CDH4: variants seen among roughly 807,000 people sequenced by gnomAD.
The protein encoded by CDH4 is cadherin 4, also known as cadherin-4.
A neutral mutation model predicts 86.0 loss-of-function variants in CDH4; 33 were observed. That is an observed-to-expected ratio of 0.38 (90% CI 0.29 to 0.51). CDH4 has a LOEUF of 0.51. Among genes scored for constraint, CDH4 ranks in the 20% least tolerant of loss-of-function variants. CDH4 has a pLI of 0.86. For missense variants in CDH4, 1,114 were observed against 1,307.4 expected, an observed-to-expected ratio of 0.85 and a Z score of 2.28; for synonymous variants, 555 against 549.4, an observed-to-expected ratio of 1.01 and a Z score of -0.14.
chr20:61,915,485 C>T (rs1369853132), intron 9 of CDH4, among the ~76,000 whole-genome samples: 1 of 152,184 alleles, frequency 6.6e-6, no homozygotes, highest in Admixed American at 6.5e-5. Flanking sequence ...CTGACGGTCC[C>T]CAGCCCAGGG....
intron 4 of CDH4, among the ~76,000 whole-genome samples, chr20:61,843,253 A>G (rs368232885): frequency 6.6e-5 from 10 of 151,426 alleles, no homozygotes; most frequent in East Asian, 2.0e-4. Flanking sequence ...GATCGAGACC[A>G]TCCTGGCTAA....
intron 2 of CDH4, among the ~76,000 whole-genome samples, chr20:61,493,219 C>T (rs774997681): frequency 6.6e-6 from 1 of 152,186 alleles, no homozygotes; most frequent in African/African-American, 2.4e-5. Flanking sequence ...CCCACACTCG[C>T]TGTGGGCCTT....
chr20:61,764,538 G>A (rs886513684), intron 3 of CDH4, among the ~76,000 whole-genome samples: 1 of 152,182 alleles, frequency 6.6e-6, no homozygotes, highest in Non-Finnish European at 1.5e-5. Context: ...CAGACCCCTC[G>A]AGCCATGGGT....
chr20:61,758,683 G>T (rs1429741926), intron 3 of CDH4, among the ~76,000 whole-genome samples: 1 of 152,214 alleles, frequency 6.6e-6, no homozygotes, highest in Non-Finnish European at 1.5e-5. Context: ...GTCCCCCTGA[G>T]CCGTGGCCAC....
chr20:61,692,050 T>G, intron 2 of CDH4, among the ~76,000 whole-genome samples: 1 of 152,140 alleles, frequency 6.6e-6, no homozygotes, highest in East Asian at 1.9e-4. Flanking sequence ...TTCCAGACAT[T>G]AGGTAAAACC....
chr20:61,757,074 C>A (rs755928402), intron 3 of CDH4, among the ~76,000 whole-genome samples: 1 of 152,178 alleles, frequency 6.6e-6, no homozygotes, highest in Admixed American at 6.5e-5. Flanking sequence ...TTGAAGATGA[C>A]GAGCTATTTT....
chr20:61,848,364 C>CTTCTTTTGTTT (rs1982554584), intron 5 of CDH4, among the ~76,000 whole-genome samples: 2 of 152,314 alleles, frequency 1.3e-5, no homozygotes, highest in East Asian at 1.9e-4. Flanking sequence ...GTTGCCTTCC[C>CTTCTTTTGTTT]TTCTTTTGTT....
chr20:61,932,939 CGCACACCCGCA>C lies in CDH4; in HGVS notation c.2240-37_2240-27del, dbSNP rs565036748. 2,443 of 1,596,992 alleles carry C rather than the reference CGCACACCCGCA, an allele frequency of 1.5e-3. 6 individuals are homozygous for C. The highest frequency in any genetic ancestry group is 1.9e-3 in the Non-Finnish European group (2,212 of 1,168,838). ...CATGGCAAACACAGAGGCACACATG[CGCACACCCGCA>C]GCACACCCTGCTCACGGGCAGCCCT... On this transcript the variant is annotated intron_variant, in intron 13 of 15. Coordinates refer to ENST00000614565, the MANE Select transcript of CDH4 (RefSeq NM_001794.5).
intron 6 of CDH4, among the ~76,000 whole-genome samples, 163 bp from the exon 7 acceptor site, chr20:61,873,565 G>A (rs895069124): frequency 3.3e-5 from 5 of 152,346 alleles, no homozygotes; most frequent in South Asian, 2.1e-4. Context: ...GGGTGGAGGC[G>A]GCAGGTGCAC....
intron 2 of CDH4, among the ~76,000 whole-genome samples, chr20:61,400,774 C>T (rs1488394392): frequency 6.6e-6 from 1 of 152,134 alleles, no homozygotes; most frequent in Non-Finnish European, 1.5e-5. Flanking sequence ...GCTTCGGGGC[C>T]GGCCTGGCCC....
At position 61,544,609 on chromosome 20, in the gene CDH4, G is replaced by A. The variant is rs772448020; in HGVS notation, c.170-198954G>A. On this transcript the variant is annotated intron_variant, in intron 2 of 15. Transcript: ENST00000614565. This position sits in a 1 kb window ranked among gnomAD's most constrained non-coding sequence, Gnocchi z 6.5. ...ATGACCGTGTGTGATGGGATGTGCC[G>A]GGGGCAGACAGGGCCCACCAGACCC... Among the ~76,000 whole-genome samples the A allele has an allele frequency of 3.9e-5, 6 of 151,958 alleles. No homozygotes were observed. The highest frequency in any genetic ancestry group is 2.0e-4 in the East Asian group (1 of 5,128).
chr20:61,743,546 TC>T lies in CDH4; in HGVS notation c.170-12del, dbSNP rs780226121. 149 of 1,546,690 alleles carry T rather than the reference TC, an allele frequency of 9.6e-5. No homozygotes were observed. The African/African-American group carries it at 1.7e-3, about 18-fold the overall frequency. On this transcript the variant is annotated splice_polypyrimidine_tract_variant and intron_variant, in intron 2 of 15. Coordinates refer to ENST00000614565, the MANE Select transcript of CDH4 (RefSeq NM_001794.5). ...GCTGGCCAAGCCGACCCTGACTCTC[TC>T]CCCCTCCTCTTGCAGTCAAGTTCAG...
intron 2 of CDH4, among the ~76,000 whole-genome samples, chr20:61,706,207 G>A (rs751292882): frequency 9.2e-5 from 14 of 152,096 alleles, no homozygotes; most frequent in African/African-American, 1.9e-4. Context: ...CAGCTTTCCC[G>A]TGAGGCCCAG....
intron 2 of CDH4, among the ~76,000 whole-genome samples, chr20:61,578,612 T>C (rs1411236706): frequency 1.3e-5 from 2 of 152,180 alleles, no homozygotes; most frequent in Non-Finnish European, 2.9e-5. Flanking sequence ...CAGAGCCGAC[T>C]CAAGGGGTGG....
At position 61,663,049 on chromosome 20, in the gene CDH4, C is replaced by G. The variant is rs1211601054; in HGVS notation, c.170-80514C>G. Among the ~76,000 whole-genome samples the G allele has an allele frequency of 6.6e-6, 1 of 152,204 alleles. No individual in the cohort carries two copies. Among genetic ancestry groups the G allele is most frequent in the African/African-American group, 2.4e-5 (1 of 41,452 alleles). On this transcript the variant is annotated intron_variant, in intron 2 of 15. Transcript: ENST00000614565. The surrounding 1 kb of genome is among the most constrained non-coding windows in gnomAD (Gnocchi z 5.0). ...TAGAACCCATGGCCCTGACTCACCT[C>G]CCCCTCCACCATGGTATTGATGACA...
At chr20:61,652,637 C>T (rs1045800650) in intron 2 of CDH4, among the ~76,000 whole-genome samples, 2 of 152,098 alleles carry the variant, frequency 1.3e-5, no homozygotes, top group African/African-American at 4.8e-5. Context: ...CTAATAAATA[C>T]TTCCATATCA....
chr20:61,863,510 G>T (rs1473428029), intron 6 of CDH4, among the ~76,000 whole-genome samples: 1 of 152,240 alleles, frequency 6.6e-6, no homozygotes, highest in Non-Finnish European at 1.5e-5. Context: ...ACAGGTGAGG[G>T]ACTGCTGGCC....
chr20:61,628,697 T>C (rs2049537407), intron 2 of CDH4, among the ~76,000 whole-genome samples: 1 of 152,184 alleles, frequency 6.6e-6, no homozygotes, highest in South Asian at 2.1e-4. Flanking sequence ...TGAATGCAGC[T>C]GCCAGGCTAG....
chr20:61,387,579 GAC>G (rs1279579809), intron 2 of CDH4, among the ~76,000 whole-genome samples: 1 of 151,776 alleles, frequency 6.6e-6, no homozygotes, highest in Non-Finnish European at 1.5e-5. Flanking sequence ...CAGAGACATA[GAC>G]ACACGCACAT....
Sources: gnomAD v4.1 joint callset for allele counts (sites outside exome capture counted in the v4.1 genomes callset) on GRCh38, gnomAD v4.1.1 for gene constraint, Gnocchi (gnomAD v3.1) non-coding constraint, MANE v1.5 for transcripts, NCBI Gene and HGNC (gene_info 2026-07-23, HGNC 2026-07-21) for gene names.